The following AK4 variants were observed in gnomAD, a reference collection of about 807,000 sequenced individuals.
The protein encoded by AK4 is adenylate kinase 4, mitochondrial.
AK4 carries 13 observed loss-of-function variants against 24.6 expected under a neutral mutation model. That is an observed-to-expected ratio of 0.53 (90% CI 0.34 to 0.84). AK4 has a LOEUF of 0.84. AK4 is among the 40% of genes least tolerant of loss of function. The pLI, the probability that AK4 is intolerant of heterozygous loss-of-function variation, is 0.01. For missense variants in AK4, 192 were observed against 288.2 expected (o/e 0.67, Z 2.42); for synonymous variants, 88 against 107.0 (o/e 0.82, Z 1.10).
chr1:65,177,012 C>T (rs934774006), intron 1 of AK4, among the ~76,000 whole-genome samples: 12 of 152,338 alleles, frequency 7.9e-5, no homozygotes, highest in African/African-American at 2.9e-4. Context: ...CTTTCGAGCT[C>T]AAATCTAGGT....
intron 2 of AK4, among the ~76,000 whole-genome samples, chr1:65,217,347 A>G (rs1460861194): frequency 6.6e-6 from 1 of 152,162 alleles, no homozygotes; most frequent in Non-Finnish European, 1.5e-5. Flanking sequence ...AGGGCCATGA[A>G]TACCCATTTT....
At chr1:65,212,159 A>G (rs77961023) in intron 2 of AK4, among the ~76,000 whole-genome samples, 1,929 of 152,282 alleles carry the variant, frequency 0.013, 48 homozygotes, top group African/African-American at 0.044. Flanking sequence ...AAGCCTGTAC[A>G]ATTTTGGCTT....
intron 1 of AK4, among the ~76,000 whole-genome samples, chr1:65,176,264 T>C (rs1015847825): frequency 5.9e-5 from 9 of 152,110 alleles, no homozygotes; most frequent in Non-Finnish European, 1.2e-4. Flanking sequence ...TCTTTTTATC[T>C]TGGCTATTAT....
rs568014958 is a variant in AK4 at position 65,198,128 on chromosome 1, A to G, written c.265+7299A>G. ...ATCTTTAAATATTTAGCCGTGAAAA[A>G]TCATAGCCACATAACCCTTCTATCT... On this transcript the variant is annotated intron_variant, in intron 2 of 4. Coordinates refer to ENST00000327299, the MANE Select transcript of AK4 (RefSeq NM_013410.4). 2.0e-5 allele frequency among the ~76,000 whole-genome samples: 3 copies of G among 152,318 alleles called. No homozygotes were observed. In the East Asian group the frequency reaches 5.8e-4, roughly 29 times the overall value.
intron 1 of AK4, among the ~76,000 whole-genome samples, chr1:65,161,590 T>C (rs1650167330): frequency 6.6e-6 from 1 of 152,188 alleles, no homozygotes; most frequent in African/African-American, 2.4e-5. Context: ...GTCATTTTCT[T>C]CTCTAAAATT....
intron 1 of AK4, among the ~76,000 whole-genome samples, chr1:65,188,081 G>C (rs1557452895): frequency 6.6e-6 from 1 of 152,198 alleles, no homozygotes; most frequent in East Asian, 1.9e-4. Context: ...GGGAGGCAAG[G>C]CTTCTACCTA....
intron 1 of AK4, among the ~76,000 whole-genome samples, chr1:65,159,155 C>T (rs1269420489): frequency 6.6e-6 from 1 of 152,206 alleles, no homozygotes; most frequent in Non-Finnish European, 1.5e-5. Flanking sequence ...ATCTTCAGCA[C>T]CTTCTGTCTG....
intron 1 of AK4, among the ~76,000 whole-genome samples, chr1:65,181,524 C>T (rs1383483530): frequency 1.3e-5 from 2 of 151,858 alleles, no homozygotes; most frequent in Non-Finnish European, 2.9e-5. Flanking sequence ...GTAGCTGGGA[C>T]TACAGGCATG....
intron 2 of AK4, among the ~76,000 whole-genome samples, chr1:65,191,089 T>A (rs1651290947): frequency 6.6e-6 from 1 of 152,208 alleles, no homozygotes; most frequent in African/African-American, 2.4e-5. Context: ...GCCCTTTTGT[T>A]TCCGTAAGCC....
chr1:65,224,607 C>T, intron 3 of AK4, 145 bp from the exon 4 acceptor site: 1 of 649,246 alleles, frequency 1.5e-6, no homozygotes, highest in Non-Finnish European at 2.8e-6. Context: ...TTTTCTACTA[C>T]TCTTAAAATT....
chr1:65,203,010 C>T (rs1651710769), intron 2 of AK4, among the ~76,000 whole-genome samples: 1 of 151,376 alleles, frequency 6.6e-6, no homozygotes, highest in South Asian at 2.1e-4. Context: ...GTAGCTGAGA[C>T]TACAGATGCA....
chr1:65,204,978 A>G (rs1651771637), intron 2 of AK4, among the ~76,000 whole-genome samples: 1 of 152,224 alleles, frequency 6.6e-6, no homozygotes, highest in Non-Finnish European at 1.5e-5. Context: ...AATTAATTGT[A>G]TGGTACGTGA....
chr1:65,216,293 CA>C, intron 2 of AK4, among the ~76,000 whole-genome samples: 1 of 152,184 alleles, frequency 6.6e-6, no homozygotes, highest in Non-Finnish European at 1.5e-5. Context: ...CCACCAGGCC[CA>C]GCTAATTTTT....
intron 1 of AK4, among the ~76,000 whole-genome samples, chr1:65,172,722 A>G (rs372615790): frequency 6.6e-6 from 1 of 152,128 alleles, no homozygotes; most frequent in East Asian, 1.9e-4. Context: ...GAGGTTTCTT[A>G]TTGGGTAATT....
chr1:65,210,627 GGTATTATTATTCT>G (rs2101071249), intron 2 of AK4, among the ~76,000 whole-genome samples: 2 of 152,142 alleles, frequency 1.3e-5, no homozygotes, highest in African/African-American at 4.8e-5. Flanking sequence ...TGGTGGTGGT[GGTATTATTATTCT>G]GTCTCCTAGT....
Position 65,148,305 on chromosome 1 carries a change from G to C in AK4, c.-103G>C, listed in dbSNP as rs867207961. 1 of 1,437,284 alleles carries C rather than the reference G, an allele frequency of 7.0e-7. No individual in the cohort carries two copies. Among genetic ancestry groups the C allele is most frequent in the East Asian group, 2.6e-5 (1 of 39,182 alleles). 89.0% of individuals were successfully genotyped at this position (1,437,284 alleles called of 1,614,324 possible). A position where few individuals can be genotyped will look rare whatever the true frequency, so the allele number is the denominator to read the frequency against. The stretch of plus-strand genomic sequence containing the variant: ...GCGGCCGGCGAGTCCCAGTGAGAGC[G>C]GAGGGTGCCAGAGGTAGGGGGCCGA... On this transcript the variant is annotated 5_prime_UTR_variant, in exon 1 of 5. Transcript: ENST00000327299.
At chr1:65,176,844 CAT>C (rs1650732658) in intron 1 of AK4, among the ~76,000 whole-genome samples, 1 of 152,142 alleles carries the variant, frequency 6.6e-6, no homozygotes. Flanking sequence ...TTCCTGGTGT[CAT>C]ATTTGCCATT....
intron 2 of AK4, among the ~76,000 whole-genome samples, chr1:65,210,989 C>A (rs1651955602): frequency 6.6e-6 from 1 of 152,172 alleles, no homozygotes; most frequent in Non-Finnish European, 1.5e-5. Context: ...TCAACTTTTC[C>A]TTAGTCATGT....
At position 65,230,829 on chromosome 1, in the gene AK4, C is replaced by T. The variant is rs111277531; in HGVS notation, c.*4652C>T. On this transcript the variant is annotated 3_prime_UTR_variant, in exon 5 of 5. Transcript: ENST00000327299. ...CACACTGTATCTACAGAGGGCGTGT[C>T]TCATCTGTACTCTGCTGGGTTACAG... The T allele has an allele frequency of 2.0e-5, 3 of 152,166 alleles. No individual in the cohort carries two copies. The highest frequency in any genetic ancestry group is 4.8e-5 in the African/African-American group (2 of 41,452). The allele number at this position is 152,166 out of a possible 1,614,324, so 9.4% of individuals were successfully genotyped here.
Sources: gnomAD v4.1 joint callset for allele counts (sites outside exome capture counted in the v4.1 genomes callset) on GRCh38, gnomAD v4.1.1 for gene constraint, MANE v1.5 for transcripts, NCBI Gene and HGNC (gene_info 2026-07-23, HGNC 2026-07-21) for gene names.